KCNAB1: variants seen among roughly 807,000 people sequenced by gnomAD.
KCNAB1 encodes the protein potassium voltage-gated channel subfamily A regulatory beta subunit 1.
KCNAB1 carries 35 observed loss-of-function variants against 64.6 expected under a neutral mutation model. The ratio of observed to expected loss-of-function variants is 0.54; its 90% CI spans 0.41 to 0.72. The LOEUF (loss-of-function observed/expected upper bound fraction) is 0.72, where lower values mean the gene tolerates loss of function less well. Ranked by LOEUF, KCNAB1 falls within the 30% of genes least tolerant of loss-of-function variation. KCNAB1 has a pLI of 0.00. For missense variants in KCNAB1, 401 were observed against 512.9 expected (o/e 0.78, Z 2.11); for synonymous variants, 177 against 183.8 (o/e 0.96, Z 0.30).
intron 1 of KCNAB1, among the ~76,000 whole-genome samples, chr3:156,251,323 A>G (rs1717816947): frequency 1.3e-5 from 2 of 152,214 alleles, no homozygotes; most frequent in African/African-American, 2.4e-5. Context: ...TTGATTGTCT[A>G]ATTGTCCTTA....
At chr3:156,351,603 G>C (rs1490500458) in intron 1 of KCNAB1, among the ~76,000 whole-genome samples, 1 of 152,214 alleles carries the variant, frequency 6.6e-6, no homozygotes, top group Non-Finnish European at 1.5e-5. Context: ...GTTTGGAGGT[G>C]GAGAGGCCTG....
chr3:156,268,177 AC>A (rs929098984), intron 1 of KCNAB1, among the ~76,000 whole-genome samples: 46 of 151,904 alleles, frequency 3.0e-4, no homozygotes, highest in African/African-American at 1.1e-3. Flanking sequence ...TAACATAATG[AC>A]CTCCTTGTTG....
At chr3:156,355,063 A>G (rs183125918) in intron 1 of KCNAB1, among the ~76,000 whole-genome samples, 2 of 152,336 alleles carry the variant, frequency 1.3e-5, no homozygotes, top group East Asian at 3.9e-4. Flanking sequence ...AATAATATCA[A>G]TTGATATTTC....
chr3:156,319,188 C>T (rs540256950), intron 1 of KCNAB1, among the ~76,000 whole-genome samples: 10 of 152,150 alleles, frequency 6.6e-5, no homozygotes, highest in African/African-American at 2.4e-4. Context: ...ATACAGTCAG[C>T]CTGGCAGTGA....
At chr3:156,187,140 C>T (rs573988380) in intron 1 of KCNAB1, among the ~76,000 whole-genome samples, 3 of 152,338 alleles carry the variant, frequency 2.0e-5, no homozygotes, top group African/African-American at 7.2e-5. Context: ...ATGCATGAGC[C>T]ACCGTGCTGG....
intron 8 of KCNAB1, among the ~76,000 whole-genome samples, chr3:156,488,674 A>G (rs1715394919): frequency 6.6e-6 from 1 of 152,126 alleles, no homozygotes; most frequent in Non-Finnish European, 1.5e-5. Context: ...AGAATACGTT[A>G]TAGGGGCAGC....
intron 1 of KCNAB1, among the ~76,000 whole-genome samples, chr3:156,193,671 C>T (rs114538143): frequency 0.013 from 1,935 of 152,168 alleles, 37 homozygotes; most frequent in Non-Finnish European, 0.014. Flanking sequence ...ACCATCAGAT[C>T]TCATGAGAAC....
intron 1 of KCNAB1, among the ~76,000 whole-genome samples, chr3:156,403,337 A>G (rs887919131): frequency 2.0e-5 from 3 of 152,200 alleles, no homozygotes; most frequent in Admixed American, 6.5e-5. Context: ...CAAGGACCTG[A>G]GGAACAAGCA....
chr3:156,206,426 C>G (rs140665978), intron 1 of KCNAB1, among the ~76,000 whole-genome samples: 4 of 152,184 alleles, frequency 2.6e-5, no homozygotes, highest in African/African-American at 9.7e-5. Context: ...ATTCCTATGA[C>G]CATCCCCCTG....
chr3:156,354,091 A>G (rs1340342858), intron 1 of KCNAB1, among the ~76,000 whole-genome samples: 2 of 142,554 alleles, frequency 1.4e-5, no homozygotes, highest in African/African-American at 2.7e-5. Flanking sequence ...GTGTGTATAT[A>G]TATAATATAT....
At chr3:156,220,270 C>G (rs1715626893) in intron 1 of KCNAB1, among the ~76,000 whole-genome samples, 1 of 152,150 alleles carries the variant, frequency 6.6e-6, no homozygotes, top group Non-Finnish European at 1.5e-5. Context: ...ATTTCTAGTT[C>G]TAGATCCTTG....
chr3:156,359,409 T>C (rs889671014), intron 1 of KCNAB1, among the ~76,000 whole-genome samples: 1 of 152,182 alleles, frequency 6.6e-6, no homozygotes, highest in Non-Finnish European at 1.5e-5. Flanking sequence ...CTACACCTTG[T>C]CCATCCTCCC....
At chr3:156,522,939 T>G (rs181080904) in intron 11 of KCNAB1, among the ~76,000 whole-genome samples, 99 of 152,310 alleles carry the variant, frequency 6.5e-4, no homozygotes, top group African/African-American at 2.3e-3. Context: ...ACAAATACTC[T>G]TTTCCCCTGG....
intron 1 of KCNAB1, among the ~76,000 whole-genome samples, chr3:156,240,115 A>T (rs1717077115): frequency 6.6e-6 from 1 of 152,224 alleles, no homozygotes; most frequent in Admixed American, 6.5e-5. Flanking sequence ...TTATGACTTC[A>T]TGGTTCTCGA....
chr3:156,129,932 C>T (rs1713893700), intron 1 of KCNAB1, among the ~76,000 whole-genome samples: 1 of 152,178 alleles, frequency 6.6e-6, no homozygotes. Context: ...TTAACATGGA[C>T]CAAACGCCTT....
chr3:156,238,618 T>C (rs1301092387), intron 1 of KCNAB1, among the ~76,000 whole-genome samples: 1 of 152,118 alleles, frequency 6.6e-6, no homozygotes, highest in Non-Finnish European at 1.5e-5. Context: ...GCCTCTTTGT[T>C]TTTAGTTAGT....
At chr3:156,362,153 C>G (rs1317457650) in intron 1 of KCNAB1, among the ~76,000 whole-genome samples, 1 of 151,946 alleles carries the variant, frequency 6.6e-6, no homozygotes, top group Middle Eastern at 3.2e-3. Flanking sequence ...CTACATATAT[C>G]TATCTAAGAC....
intron 13 of KCNAB1, 73 bp downstream of exon 13, chr3:156,531,570 A>G: frequency 9.0e-7 from 1 of 1,107,230 alleles, no homozygotes; most frequent in Non-Finnish European, 1.4e-6. Context: ...GCAGTGTCCC[A>G]TCTCTCCCCC....
chr3:156,287,307 T>A, intron 1 of KCNAB1, among the ~76,000 whole-genome samples: 1 of 141,084 alleles, frequency 7.1e-6, no homozygotes, highest in African/African-American at 2.7e-5. Context: ...AGTGTAGGAG[T>A]AAGTCATTAT....
Sources: gnomAD v4.1 joint callset for allele counts (sites outside exome capture counted in the v4.1 genomes callset) on GRCh38, gnomAD v4.1.1 for gene constraint, MANE v1.5 for transcripts, NCBI Gene and HGNC (gene_info 2026-07-23, HGNC 2026-07-21) for gene names.